TGFB2: variants seen among roughly 807,000 people sequenced by gnomAD.
TGFB2 encodes transforming growth factor beta-2 proprotein.
Under a neutral mutation model 42.7 loss-of-function variants are expected in TGFB2, and 13 were observed. The observed-to-expected ratio is 0.30, with a 90% CI of 0.20 to 0.48. The LOEUF (loss-of-function observed/expected upper bound fraction) is 0.48. Among genes scored for constraint, TGFB2 ranks in the 20% least tolerant of loss-of-function variants. The pLI is 0.99. For missense variants in TGFB2, 390 were observed against 517.5 expected, an observed-to-expected ratio of 0.75 and a Z score of 2.39; for synonymous variants, 193 against 193.6, an observed-to-expected ratio of 1.00 and a Z score of 0.03.
Position 218,423,553 on chromosome 1 carries a change from G to A in TGFB2, c.511-10529G>A, listed in dbSNP as rs185698361. 2.0e-4 allele frequency among the ~76,000 whole-genome samples: 30 copies of A among 152,230 alleles called. No individual in the cohort carries two copies. The East Asian group carries it at 5.8e-3, about 29-fold the overall frequency. ...TAGGAGAAAACTGGAGGAGGGAAAG[G>A]CATTCTGATAGGGTTGCTAGTTAGA... On this transcript the variant is annotated intron_variant, in intron 2 of 6. Coordinates refer to ENST00000366930, the MANE Select transcript of TGFB2 (RefSeq NM_003238.6).
At chr1:218,376,014 C>T (rs774024520) in intron 1 of TGFB2, among the ~76,000 whole-genome samples, 2 of 152,020 alleles carry the variant, frequency 1.3e-5, no homozygotes, top group Non-Finnish European at 2.9e-5. Flanking sequence ...GGGGCTGTAG[C>T]GAAGGGGAAA....
chr1:218,438,978 G>A (rs1660062263), intron 6 of TGFB2, among the ~76,000 whole-genome samples: 1 of 152,058 alleles, frequency 6.6e-6, no homozygotes, highest in Non-Finnish European at 1.5e-5. Flanking sequence ...GCATGGTGGC[G>A]GGTGCCTGCA....
intron 6 of TGFB2, among the ~76,000 whole-genome samples, chr1:218,438,416 G>A (rs1014453714): frequency 6.6e-6 from 1 of 152,156 alleles, no homozygotes; most frequent in Non-Finnish European, 1.5e-5. Context: ...ATTTACTAAT[G>A]TATGACAGAA....
chr1:218,369,508 A>T (rs1343538), intron 1 of TGFB2, among the ~76,000 whole-genome samples: 2,444 of 152,216 alleles, frequency 0.016, 75 homozygotes, highest in African/African-American at 0.055. Flanking sequence ...TTTAGTTAAT[A>T]GTCCTTAGTT....
At chr1:218,410,426 C>A (rs1339628567) in intron 2 of TGFB2, among the ~76,000 whole-genome samples, 1 of 152,206 alleles carries the variant, frequency 6.6e-6, no homozygotes, top group African/African-American at 2.4e-5. Context: ...ACCCTCCCCT[C>A]TCTACAGAAC....
At chr1:218,354,984 C>T (rs1656986229) in intron 1 of TGFB2, among the ~76,000 whole-genome samples, 1 of 152,170 alleles carries the variant, frequency 6.6e-6, no homozygotes, top group Admixed American at 6.5e-5. Flanking sequence ...CTTACTGCAA[C>T]CTCTGGCTCC....
intron 1 of TGFB2, among the ~76,000 whole-genome samples, chr1:218,356,961 C>G (rs1657055318): frequency 6.6e-6 from 1 of 152,198 alleles, no homozygotes; most frequent in African/African-American, 2.4e-5. Flanking sequence ...CCTGTAATCC[C>G]AGCACTTTGG....
intron 2 of TGFB2, among the ~76,000 whole-genome samples, chr1:218,409,291 G>A (rs1036229836): frequency 1.3e-5 from 2 of 152,200 alleles, no homozygotes; most frequent in Non-Finnish European, 1.5e-5. Flanking sequence ...TCACAGTAAC[G>A]CTATCTCAGA....
chr1:218,444,003 T>C lies in TGFB2; in HGVS notation c.*2641T>C, dbSNP rs1660241703. On this transcript the variant is annotated 3_prime_UTR_variant, in exon 7 of 7. Transcript: ENST00000366930. ...ATAAATTATTTCGATGATATGTGGATGTCTTTTTCCTATCAGTACCATCAT... is the reference window on the plus strand; with the variant it reads ...ATAAATTATTTCGATGATATGTGGACGTCTTTTTCCTATCAGTACCATCAT... The C allele has an allele frequency of 6.6e-6, 1 of 152,134 alleles. No individual in the cohort carries two copies. Among genetic ancestry groups the C allele is most frequent in the Admixed American group, 6.5e-5 (1 of 15,274 alleles). The allele number at this position is 152,134 out of a possible 1,614,324, so 9.4% of individuals were successfully genotyped here. A position where few individuals can be genotyped will look rare whatever the true frequency, so the allele number is the denominator to read the frequency against.
intron 1 of TGFB2, among the ~76,000 whole-genome samples, chr1:218,384,748 C>G (rs1440131425): frequency 6.6e-6 from 1 of 152,148 alleles, no homozygotes; most frequent in Admixed American, 6.5e-5. Flanking sequence ...CCATTCACAC[C>G]CCTAGAGTCT....
intron 2 of TGFB2, among the ~76,000 whole-genome samples, chr1:218,430,795 CT>C (rs1558260573): frequency 6.6e-6 from 1 of 152,152 alleles, no homozygotes; most frequent in Non-Finnish European, 1.5e-5. Flanking sequence ...AGGAGGAATA[CT>C]TTTATATAGC....
At chr1:218,388,331 C>T (rs952942943) in intron 1 of TGFB2, among the ~76,000 whole-genome samples, 2 of 152,178 alleles carry the variant, frequency 1.3e-5, no homozygotes, top group Non-Finnish European at 2.9e-5. Flanking sequence ...CAGTTGGCCC[C>T]CCCACATCCA....
chr1:218,424,281 C>T (rs1267887991), intron 2 of TGFB2, among the ~76,000 whole-genome samples: 2 of 152,022 alleles, frequency 1.3e-5, no homozygotes, highest in African/African-American at 4.8e-5. Context: ...TCTGTGGCTC[C>T]GAAGAGTAGC....
chr1:218,392,561 T>A (rs1426418375), intron 1 of TGFB2, among the ~76,000 whole-genome samples: 1 of 152,250 alleles, frequency 6.6e-6, no homozygotes, highest in Non-Finnish European at 1.5e-5. Flanking sequence ...GTCTGGGTTC[T>A]AAGTTCTCTG....
At chr1:218,373,140 T>C (rs1657624382) in intron 1 of TGFB2, among the ~76,000 whole-genome samples, 1 of 152,160 alleles carries the variant, frequency 6.6e-6, no homozygotes, top group Non-Finnish European at 1.5e-5. Flanking sequence ...ATCGCGCCAC[T>C]GCACTCCACC....
chr1:218,385,816 A>G (rs1281684386), intron 1 of TGFB2, among the ~76,000 whole-genome samples: 1 of 152,260 alleles, frequency 6.6e-6, no homozygotes, highest in South Asian at 2.1e-4. Context: ...AGACTTCTCT[A>G]ATAAGCCTCA....
chr1:218,409,768 G>C (rs1333925379), intron 2 of TGFB2, among the ~76,000 whole-genome samples: 2 of 152,174 alleles, frequency 1.3e-5, no homozygotes, highest in Non-Finnish European at 2.9e-5. Flanking sequence ...GATACCCTTT[G>C]ATTACTGTAC....
intron 2 of TGFB2, among the ~76,000 whole-genome samples, chr1:218,421,480 C>A (rs1299034658): frequency 6.6e-6 from 1 of 151,292 alleles, no homozygotes; most frequent in Non-Finnish European, 1.5e-5. Context: ...AAGAATATAC[C>A]AAGCAGGGAT....
chr1:218,359,483 G>A (rs1306835608), intron 1 of TGFB2, among the ~76,000 whole-genome samples: 1 of 152,190 alleles, frequency 6.6e-6, no homozygotes, highest in Admixed American at 6.5e-5. Context: ...CCTGGAGAGA[G>A]AGGTATTTCA....
Sources: gnomAD v4.1 joint callset for allele counts (sites outside exome capture counted in the v4.1 genomes callset) on GRCh38, gnomAD v4.1.1 for gene constraint, MANE v1.5 for transcripts, NCBI Gene and HGNC (gene_info 2026-07-23, HGNC 2026-07-21) for gene names.